KPNA7: variants seen among roughly 807,000 people sequenced by gnomAD.
KPNA7 encodes the protein importin subunit alpha-8.
KPNA7 carries 54 observed loss-of-function variants against 53.7 expected under a neutral mutation model. The ratio of observed to expected loss-of-function variants is 1.01; its 90% CI spans 0.81 to 1.26. KPNA7 has a LOEUF of 1.26. Among genes scored for constraint, KPNA7 ranks in the 50% most tolerant of loss-of-function variants. KPNA7 has a pLI of 0.00. For missense variants in KPNA7, 640 were observed against 644.5 expected, an observed-to-expected ratio of 0.99 and a Z score of 0.07; for synonymous variants, 276 against 259.3, an observed-to-expected ratio of 1.06 and a Z score of -0.62.
At chr7:99,167,195 C>T in the KPNA7 span, among the ~76,000 whole-genome samples, 4 of 152,212 alleles carry the variant, frequency 2.6e-5, no homozygotes, top group Admixed American at 1.3e-4. Flanking sequence ...TGTGCCCTGG[C>T]CCCACTGTCT....
At chr7:99,202,969 C>T in intron 3 of KPNA7, 137 bp downstream of exon 3, 1 of 1,058,752 alleles carries the variant, frequency 9.4e-7, no homozygotes, top group Admixed American at 2.5e-5. Context: ...TTAGCTCAAA[C>T]CATAATCTCT....
the KPNA7 span, among the ~76,000 whole-genome samples, chr7:99,164,650 C>T: frequency 1.3e-5 from 2 of 151,318 alleles, no homozygotes; most frequent in African/African-American, 4.8e-5. Flanking sequence ...AAAAAAATTT[C>T]TCGAAAGAGT....
At chr7:99,207,613 C>CCTTTTTTTTTTT (rs1790883642) in intron 1 of KPNA7, 124 bp from the exon 2 acceptor site, 1 of 118,210 alleles carries the variant, frequency 8.5e-6, no homozygotes, top group African/African-American at 6.5e-5. Context: ...AGGAAGCTAG[C>CCTTTTTTTTTTT]TTTTTTTTTT....
chr7:99,213,505 G>A (rs1218852319), intron 1 of KPNA7, among the ~76,000 whole-genome samples: 4 of 149,056 alleles, frequency 2.7e-5, no homozygotes, highest in Admixed American at 1.3e-4. Flanking sequence ...GTGCAGCGGA[G>A]CAATCATAAC....
the KPNA7 span, among the ~76,000 whole-genome samples, chr7:99,164,784 C>T: frequency 2.6e-5 from 4 of 152,084 alleles, no homozygotes; most frequent in African/African-American, 9.7e-5. Context: ...TTCTTCTGTC[C>T]CCAGCCCCTG....
At chr7:99,178,152 C>G in intron 9 of KPNA7, 86 bp from the exon 10 acceptor site, 11 of 1,206,952 alleles carry the variant, frequency 9.1e-6, no homozygotes, top group Non-Finnish European at 1.3e-5. Context: ...GGAGCTGCCC[C>G]GAGTGGAAGC....
intron 8 of KPNA7, among the ~76,000 whole-genome samples, chr7:99,183,202 A>G (rs1789366635): frequency 6.6e-6 from 1 of 152,128 alleles, no homozygotes; most frequent in South Asian, 2.1e-4. Context: ...CAGTGAGCCA[A>G]AATTGTCCCA....
At chr7:99,150,330 A>T in the KPNA7 span, among the ~76,000 whole-genome samples, 1 of 151,748 alleles carries the variant, frequency 6.6e-6, no homozygotes, top group African/African-American at 2.4e-5. Flanking sequence ...TCTTGACCTC[A>T]AGTGATCTCC....
chr7:99,213,909 C>A (rs904826429), intron 1 of KPNA7, among the ~76,000 whole-genome samples: 4 of 152,000 alleles, frequency 2.6e-5, no homozygotes, highest in East Asian at 1.9e-4. Context: ...GCACCTGGCC[C>A]AAAACATTTA....
Position 99,188,450 on chromosome 7 carries a change from C to T in KPNA7, c.750G>A (p.Leu250=). The T allele has an allele frequency of 6.4e-7, 1 of 1,551,672 alleles. No homozygotes were observed. ...AGAGAACCTCACTGTCCTGGTGCTGCAGGAGGTGAAGGAGGGCCGGCAGTA... is the reference window on the plus strand; with the variant it reads ...AGAGAACCTCACTGTCCTGGTGCTGTAGGAGGTGAAGGAGGGCCGGCAGTA... The part of the protein sequence containing the change: ...KQILPALLHL[L]QHQDSEVLSD... The change falls in exon 7 of 11, where the codon CTG becomes CTA. Residue 250 remains leucine (L), a synonymous_variant. Coordinates refer to ENST00000327442, the MANE Select transcript of KPNA7 (RefSeq NM_001145715.3).
At chr7:99,201,905 A>G (rs113435277) in intron 3 of KPNA7, among the ~76,000 whole-genome samples, 10,707 of 151,866 alleles carry the variant, frequency 0.071, 440 homozygotes, top group South Asian at 0.15. Flanking sequence ...ATGGGGTTTC[A>G]CCATGTTGGC....
At chr7:99,204,974 G>T (rs1442558256) in intron 2 of KPNA7, among the ~76,000 whole-genome samples, 1 of 152,214 alleles carries the variant, frequency 6.6e-6, no homozygotes, top group Non-Finnish European at 1.5e-5. Flanking sequence ...GGCAGTTCCT[G>T]CCTGTAAAAA....
At chr7:99,202,255 A>C (rs1790574551) in intron 3 of KPNA7, among the ~76,000 whole-genome samples, 1 of 152,160 alleles carries the variant, frequency 6.6e-6, no homozygotes, top group Non-Finnish European at 1.5e-5. Context: ...GGTAGGACAG[A>C]CAGTGGTGTA....
intron 9 of KPNA7, among the ~76,000 whole-genome samples, chr7:99,178,294 G>A (rs1798998160): frequency 6.6e-6 from 1 of 152,112 alleles, no homozygotes; most frequent in African/African-American, 2.4e-5. Flanking sequence ...ATAGGGCCGG[G>A]CGCAGTGTCT....
At chr7:99,188,644 C>T in intron 6 of KPNA7, 81 bp from the exon 7 acceptor site, 1 of 1,360,600 alleles carries the variant, frequency 7.3e-7, no homozygotes, top group Non-Finnish European at 1.0e-6. Flanking sequence ...CATTTCCAAT[C>T]AATACCATAG....
At position 99,208,038 on chromosome 7, in the gene KPNA7, GAAC is replaced by G. The variant is rs1215827546; in HGVS notation, c.-37_-35del. ...ACCCTTGGGCTCAACCTGGCAGCAA[GAAC>G]AACAGTCTGGACTTCTCAGCTCCAT... On this transcript the variant is annotated 5_prime_UTR_variant, in exon 1 of 11. Transcript: ENST00000327442. Among the ~76,000 whole-genome samples the G allele has an allele frequency of 6.6e-6, 1 of 152,064 alleles. No individual in the cohort carries two copies. Among genetic ancestry groups the G allele is most frequent in the Non-Finnish European group, 1.5e-5 (1 of 68,026 alleles).
intron 8 of KPNA7, among the ~76,000 whole-genome samples, chr7:99,184,130 T>A (rs1351824184): frequency 4.7e-5 from 7 of 149,178 alleles, no homozygotes; most frequent in African/African-American, 1.7e-4. Context: ...ATTACGGACA[T>A]AAGCCACTGT....
intron 9 of KPNA7, among the ~76,000 whole-genome samples, chr7:99,179,567 A>G (rs1186356539): frequency 6.6e-6 from 1 of 150,432 alleles, no homozygotes; most frequent in East Asian, 1.9e-4. Context: ...AAATATATAT[A>G]TATATTTATA....
the KPNA7 span, among the ~76,000 whole-genome samples, chr7:99,159,111 C>A: frequency 1.3e-5 from 2 of 151,924 alleles, no homozygotes; most frequent in Admixed American, 6.6e-5. Flanking sequence ...GTGATCTGCC[C>A]GCCTCAGGCT....
Sources: allele counts gnomAD v4.1 joint callset (sites outside exome capture counted in the v4.1 genomes callset), GRCh38; gene constraint gnomAD v4.1.1; transcripts MANE v1.5; gene names NCBI Gene and HGNC (gene_info 2026-07-23, HGNC 2026-07-21).